Variants in AKAP10 observed in about 807,000 individuals in gnomAD.
AKAP10 encodes A-kinase anchoring protein 10.
Under a neutral mutation model 80.8 loss-of-function variants are expected in AKAP10, and 24 were observed. The ratio of observed to expected loss-of-function variants is 0.30; its 90% CI spans 0.22 to 0.42. AKAP10 has a LOEUF of 0.42. Ranked by LOEUF, AKAP10 falls within the 10% of genes least tolerant of loss-of-function variation. The pLI is 1.00. For synonymous variants in AKAP10, 291 were observed against 277.7 expected, an observed-to-expected ratio of 1.05 and a Z score of -0.48; for missense variants, 661 against 794.9, an observed-to-expected ratio of 0.83 and a Z score of 2.03.
chr17:19,909,946 C>T lies in AKAP10; in HGVS notation c.1867G>A (p.Val623Met), dbSNP rs751316979. 5 of 1,613,746 alleles carry T rather than the reference C, an allele frequency of 3.1e-6. No individual in the cohort carries two copies. In the South Asian group the frequency reaches 5.5e-5, roughly 18 times the overall value. Residue 623 changes from valine to methionine, a missense_variant, in exon 13 of 15, where the codon GTG becomes ATG. Transcript: ENST00000225737. Reference protein sequence around the residue: ...SMFSQAMKKWVQGNTDEAQEE... With the variant: ...SMFSQAMKKWMQGNTDEAQEE... ...TTTACCTCATCAGTATTTCCTTGCACCCATTTCTTCATAGCTTGTGAGAAC... is the reference window on the plus strand; with the variant it reads ...TTTACCTCATCAGTATTTCCTTGCATCCATTTCTTCATAGCTTGTGAGAAC...
chr17:19,925,770 C>T (rs1475932700), intron 10 of AKAP10, among the ~76,000 whole-genome samples: 5 of 151,602 alleles, frequency 3.3e-5, no homozygotes, highest in Admixed American at 3.3e-4. Context: ...CCAAGATACA[C>T]AGTTAAACAA....
intron 8 of AKAP10, among the ~76,000 whole-genome samples, 157 bp from the exon 9 acceptor site, chr17:19,936,587 T>G (rs1597503226): frequency 6.6e-6 from 1 of 152,208 alleles, no homozygotes; most frequent in Non-Finnish European, 1.5e-5. Context: ...GTAACCTTTC[T>G]TTGTTCCCAC....
At chr17:19,927,212 T>C (rs184975386) in intron 10 of AKAP10, among the ~76,000 whole-genome samples, 2 of 152,258 alleles carry the variant, frequency 1.3e-5, no homozygotes, top group African/African-American at 4.8e-5. Context: ...TGTGTATCTA[T>C]GGCCCTAGCT....
In AKAP10 at chr17:19,931,786, A is replaced by G. The variant is rs1453183972; in HGVS notation, c.1641+19T>C. ...TGTGTATGCTTTTCTCCCTAATGGC[A>G]GACGCAATCAGTCAATACCTGAGAC... On this transcript the variant is annotated intron_variant, in intron 10 of 14. Transcript: ENST00000225737. The G allele has an allele frequency of 6.2e-7, 1 of 1,602,642 alleles. No homozygotes were observed. Among genetic ancestry groups the G allele is most frequent in the Non-Finnish European group, 8.5e-7 (1 of 1,174,918 alleles).
At position 19,939,721 on chromosome 17, in the gene AKAP10, T is replaced by C; in HGVS notation, c.1314A>G (p.Leu438=). ...GQEAQNDAMI[L]YDKYFSLQAT... ...CTATCAATATAACTCACTTGTCATA[T>C]AAAATCATGGCATCATTCTGTGCCT... is the stretch of plus-strand genomic sequence containing the variant. The change falls in exon 8 of 15, where the codon TTA becomes TTG. Residue 438 remains leucine, a synonymous_variant. Transcript: ENST00000225737. The C allele has an allele frequency of 6.2e-7, 1 of 1,613,368 alleles. No individual in the cohort carries two copies. The highest frequency in any genetic ancestry group is 8.5e-7 in the Non-Finnish European group (1 of 1,179,882).
At chr17:19,944,288 C>T (rs922741499) in intron 5 of AKAP10, among the ~76,000 whole-genome samples, 33 of 152,208 alleles carry the variant, frequency 2.2e-4, no homozygotes, top group African/African-American at 8.0e-4. Context: ...CCTACATCAA[C>T]TTCTCCTTCA....
At chr17:19,968,533 G>T in intron 1 of AKAP10, 72 bp from the exon 2 acceptor site, 1 of 1,257,720 alleles carries the variant, frequency 8.0e-7, no homozygotes, top group South Asian at 1.2e-5. Flanking sequence ...GTAAAAATTA[G>T]ACCAGCTTTA....
chr17:19,930,772 G>A (rs977308031), intron 10 of AKAP10, among the ~76,000 whole-genome samples: 2 of 152,122 alleles, frequency 1.3e-5, no homozygotes, highest in African/African-American at 2.4e-5. Flanking sequence ...GTGCAGTGGC[G>A]TGATCTCGGC....
chr17:19,907,868 CTT>C (rs573617741), intron 14 of AKAP10, among the ~76,000 whole-genome samples: 1 of 145,402 alleles, frequency 6.9e-6, no homozygotes. Flanking sequence ...GTCAGACATT[CTT>C]TTTTTTTTTT....
intron 14 of AKAP10, among the ~76,000 whole-genome samples, chr17:19,907,698 C>T (rs2042646232): frequency 6.6e-6 from 1 of 151,962 alleles, no homozygotes; most frequent in Non-Finnish European, 1.5e-5. Context: ...AGCCACTGCA[C>T]CTGGCCACTT....
rs139838206 is a variant in AKAP10, at chr17:19,940,468, T to C, written c.1185+419A>G. Among the ~76,000 whole-genome samples the C allele has an allele frequency of 3.3e-5, 5 of 152,372 alleles. No homozygotes were observed. In the East Asian group the frequency reaches 9.6e-4, roughly 29 times the overall value. On this transcript the variant is annotated intron_variant, in intron 7 of 14. Coordinates refer to ENST00000225737, the MANE Select transcript of AKAP10 (RefSeq NM_007202.4). ...AAAAGATTAATATACTCATTGTCTGTTGCAAATGCTTCTTCACTGGGCAAT... is the reference window on the plus strand; with the variant it reads ...AAAAGATTAATATACTCATTGTCTGCTGCAAATGCTTCTTCACTGGGCAAT...
chr17:19,942,539 C>T (rs958662701), intron 5 of AKAP10, among the ~76,000 whole-genome samples: 3 of 151,936 alleles, frequency 2.0e-5, no homozygotes, highest in Non-Finnish European at 4.4e-5. Context: ...ATGAACATAC[C>T]CTTTCAATGA....
At chr17:19,944,414 G>A (rs2043081432) in intron 5 of AKAP10, among the ~76,000 whole-genome samples, 1 of 152,078 alleles carries the variant, frequency 6.6e-6, no homozygotes, top group Non-Finnish European at 1.5e-5. Flanking sequence ...CACTTTGGGA[G>A]GCCAAGGTGA....
chr17:19,924,661 CAAT>C (rs773371520), intron 10 of AKAP10, 144 bp from the exon 11 acceptor site: 15 of 472,130 alleles, frequency 3.2e-5, no homozygotes, highest in African/African-American at 8.0e-5. Flanking sequence ...TGCTTAACAA[CAAT>C]GACTCTGAAA....
chr17:19,926,123 T>C (rs1461425066), intron 10 of AKAP10, among the ~76,000 whole-genome samples: 1 of 152,154 alleles, frequency 6.6e-6, no homozygotes, highest in Non-Finnish European at 1.5e-5. Flanking sequence ...TTATACACCA[T>C]GACCAAGTGA....
rs756830568 is a variant in AKAP10 at position 19,936,279 on chromosome 17, G to A, written c.1467+7C>T. 3.1e-6 allele frequency: 5 copies of A among 1,606,026 alleles called. No homozygotes were observed. The highest frequency in any genetic ancestry group is 3.4e-5 in the Admixed American group (2 of 58,422). ...TGTAGTTTGATACGTTTGAAGTTCT[G>A]GGTTACCTTCTCCATGGTTGTCCAG... On this transcript the variant is annotated splice_region_variant and intron_variant, in intron 9 of 14. Coordinates refer to ENST00000225737, the MANE Select transcript of AKAP10 (RefSeq NM_007202.4).
At chr17:19,923,320 C>T (rs561615549) in intron 11 of AKAP10, among the ~76,000 whole-genome samples, 34 of 152,158 alleles carry the variant, frequency 2.2e-4, no homozygotes, top group Non-Finnish European at 3.5e-4. Flanking sequence ...TCAGGTAATC[C>T]GCCCGTCTCG....
chr17:19,977,046 GC>G (rs112924945), intron 1 of AKAP10, among the ~76,000 whole-genome samples: 21,278 of 152,114 alleles, frequency 0.14, 1,546 homozygotes, highest in African/African-American at 0.19. Context: ...TAGCAAACTT[GC>G]CAAAGTCATC....
chr17:19,951,306 C>T (rs1225088982), intron 4 of AKAP10, among the ~76,000 whole-genome samples: 2 of 151,934 alleles, frequency 1.3e-5, no homozygotes, highest in African/African-American at 2.4e-5. Flanking sequence ...GCCACTGCCC[C>T]GTCTGGGAGG....
Sources: allele counts gnomAD v4.1 joint callset (sites outside exome capture counted in the v4.1 genomes callset), GRCh38; gene constraint gnomAD v4.1.1; transcripts MANE v1.5; gene names NCBI Gene and HGNC (gene_info 2026-07-23, HGNC 2026-07-21).